The following SMYD5 variants were observed in gnomAD, a reference collection of about 807,000 sequenced individuals.
SMYD5 encodes SMYD family member 5.
In SMYD5, 35 loss-of-function variants were observed where a neutral mutation model predicts 57.4. The observed-to-expected ratio is 0.61, with a 90% CI of 0.47 to 0.81. The LOEUF is 0.81. Ranked by LOEUF, SMYD5 falls within the 30% of genes least tolerant of loss-of-function variation. The pLI is 0.00. For synonymous variants in SMYD5, 198 were observed against 189.7 expected, an observed-to-expected ratio of 1.04 and a Z score of -0.36; for missense variants, 471 against 527.9, an observed-to-expected ratio of 0.89 and a Z score of 1.06.
At position 73,221,202 on chromosome 2, in the gene SMYD5, T is replaced by C. The variant is rs1203948159; in HGVS notation, c.505T>C (p.Leu169=). Residue 169 remains leucine (L), a synonymous_variant, in exon 5 of 13, where the codon TTG becomes CTG. Coordinates refer to ENST00000389501, the MANE Select transcript of SMYD5 (RefSeq NM_006062.3). The part of the protein sequence containing the change: ...HYPPETASIM[L]MARMVATVKQ... ...CCCACCTGAGACTGCAAGCATCATG[T>C]TGATGGCTAGGATGGTGGCCACAGT... The C allele has an allele frequency of 8.1e-6, 13 of 1,614,056 alleles. No individual in the cohort carries two copies. The South Asian group carries it at 1.3e-4, about 16-fold the overall frequency.
chr2:73,215,450 C>G (rs1455484136), intron 1 of SMYD5, among the ~76,000 whole-genome samples: 1 of 152,180 alleles, frequency 6.6e-6, no homozygotes, highest in Non-Finnish European at 1.5e-5. Flanking sequence ...TGCCCCCTTT[C>G]TGCTCTAGAG....
rs1470315017 is a variant in SMYD5, at chr2:73,220,685, C to T, written c.370C>T (p.Arg124Trp). 18 of 1,613,918 alleles carry T rather than the reference C, an allele frequency of 1.1e-5. No homozygotes were observed. The highest frequency in any genetic ancestry group is 2.2e-5 in the East Asian group (1 of 44,898). Residue 124 changes from arginine to tryptophan, a missense_variant, in exon 4 of 13, where the codon CGG becomes TGG. Coordinates refer to ENST00000389501, the MANE Select transcript of SMYD5 (RefSeq NM_006062.3). ...CQVMYCSAEC[R>W]LAATEQYHQV... Reference sequence around the variant, plus strand: ...GGTGATGTACTGCAGTGCAGAATGTCGGTTGGCAGCCACTGAGCAATACCA... The same window carrying T: ...GGTGATGTACTGCAGTGCAGAATGTTGGTTGGCAGCCACTGAGCAATACCA...
Position 73,220,560 on chromosome 2 carries a change from A to C in SMYD5, c.346-101A>C. The stretch of plus-strand genomic sequence containing the variant: ...CCTATGTTTTCTCTTCTCATGATAC[A>C]TCTGAGCTACAGCTCAGGGGCTATT... On this transcript the variant is annotated intron_variant, in intron 3 of 12. Transcript: ENST00000389501. 7.3e-6 allele frequency: 10 copies of C among 1,371,720 alleles called. 1 individual carries two copies. In the South Asian group the frequency reaches 1.2e-4, roughly 16 times the overall value. The allele number at this position is 1,371,720 out of a possible 1,614,324, so 85.0% of individuals were successfully genotyped here.
At chr2:73,225,727 A>G (rs1427055694) in intron 12 of SMYD5, 26 bp downstream of exon 12, 1 of 1,614,064 alleles carries the variant, frequency 6.2e-7, no homozygotes, top group Non-Finnish European at 8.5e-7. Flanking sequence ...ATGGTTGTGC[A>G]GCTGGGCTCT....
rs1686440396 is a variant in SMYD5, at chr2:73,223,552, G to T, written c.883+20G>T. Reference sequence around the variant, plus strand: ...AGGCAGGTTGGTGAGATAGGGCCTTGGCCTCACCCAGCCATGGCGACCCCC... The same window carrying T: ...AGGCAGGTTGGTGAGATAGGGCCTTTGCCTCACCCAGCCATGGCGACCCCC... On this transcript the variant is annotated intron_variant, in intron 9 of 12. Transcript: ENST00000389501. 3.2e-6 allele frequency: 5 copies of T among 1,546,328 alleles called. No homozygotes were observed. The highest frequency in any genetic ancestry group is 4.5e-6 in the Non-Finnish European group (5 of 1,118,020).
At position 73,214,839 on chromosome 2, in the gene SMYD5, A is replaced by G. The variant is rs1686264024; in HGVS notation, c.96+477A>G. 3.1e-6 allele frequency: 4 copies of G among 1,295,786 alleles called. No homozygotes were observed. The East Asian group carries it at 1.7e-4, about 55-fold the overall frequency. The allele number at this position is 1,295,786 out of a possible 1,614,324, so 80.3% of individuals were successfully genotyped here. On this transcript the variant is annotated intron_variant, in intron 1 of 12. Coordinates refer to ENST00000389501, the MANE Select transcript of SMYD5 (RefSeq NM_006062.3). ...ACCAGAGTCCAAAGGCCGTGGGGGCATTGGGAGAGTTTTTAGCAGGAAGGT... is the reference window on the plus strand; with the variant it reads ...ACCAGAGTCCAAAGGCCGTGGGGGCGTTGGGAGAGTTTTTAGCAGGAAGGT...
intron 4 of SMYD5, 46 bp downstream of exon 4, chr2:73,220,828 G>C (rs759861211): frequency 6.2e-7 from 1 of 1,606,316 alleles, no homozygotes; most frequent in East Asian, 2.2e-5. Flanking sequence ...TTCCTCCCTG[G>C]TTGCCTGCCT....
chr2:73,223,750 A>T (rs960533617), intron 9 of SMYD5, among the ~76,000 whole-genome samples, 197 bp from the exon 10 acceptor site: 4 of 152,230 alleles, frequency 2.6e-5, no homozygotes, highest in African/African-American at 9.6e-5. Context: ...GGGGTGCTGG[A>T]TAAATAGGAT....
intron 2 of SMYD5, among the ~76,000 whole-genome samples, chr2:73,219,473 C>G (rs1315891849): frequency 6.6e-6 from 1 of 152,066 alleles, no homozygotes; most frequent in Non-Finnish European, 1.5e-5. Flanking sequence ...CCTCTGCCTC[C>G]TAGGTTCAAG....
chr2:73,221,694 C>T, intron 5 of SMYD5, 132 bp from the exon 6 acceptor site: 1 of 674,088 alleles, frequency 1.5e-6, no homozygotes. Context: ...TGTGGGTGGG[C>T]AGCATTGGGA....
intron 10 of SMYD5, among the ~76,000 whole-genome samples, chr2:73,224,538 T>C (rs910256810): frequency 2.0e-5 from 3 of 152,152 alleles, no homozygotes; most frequent in African/African-American, 7.2e-5. Context: ...TTACTAGATG[T>C]CCAATAGCAG....
At chr2:73,223,334 C>A in intron 8 of SMYD5, 92 bp from the exon 9 acceptor site, 2 of 926,104 alleles carry the variant, frequency 2.2e-6, no homozygotes, top group East Asian at 2.4e-5. Flanking sequence ...GGATGGGAGA[C>A]CCTTCTTCCT....
In SMYD5 at chr2:73,221,855, CTT is replaced by C; in HGVS notation, c.570_571del (p.Ser191ProfsTer4). The C allele has an allele frequency of 1.2e-6, 2 of 1,614,028 alleles. No individual in the cohort carries two copies. Among genetic ancestry groups the C allele is most frequent in the Non-Finnish European group, 8.5e-7 (1 of 1,179,878 alleles). The part of the protein sequence containing the change: ...AKDKDRWIRL[F>X]SQFCNKTANE... ...AGGACAAGGACCGTTGGATCAGACT[CTT>C]TTCCCAGTTTTGTAACAAAACAGCC... On this transcript the variant is annotated frameshift_variant, in exon 6 of 13. Transcript: ENST00000389501. LOFTEE classifies it high-confidence loss of function.
At chr2:73,222,591 A>G (rs1008747373) in intron 6 of SMYD5, among the ~76,000 whole-genome samples, 164 bp from the exon 7 acceptor site, 1 of 152,198 alleles carries the variant, frequency 6.6e-6, no homozygotes, top group Admixed American at 6.5e-5. Context: ...CAGACTGCCA[A>G]AGCTCTTTGG....
chr2:73,222,927 T>C, intron 7 of SMYD5, 109 bp from the exon 8 acceptor site: 5 of 1,488,924 alleles, frequency 3.4e-6, no homozygotes, highest in Non-Finnish European at 4.7e-6. Flanking sequence ...GACTTGGTCT[T>C]CTGGAGTTCA....
intron 2 of SMYD5, 45 bp downstream of exon 2, chr2:73,219,014 C>A (rs148227562): frequency 7.2e-7 from 1 of 1,396,124 alleles, no homozygotes; most frequent in Non-Finnish European, 1.0e-6. Flanking sequence ...CGTCTTTGTG[C>A]ATGGAAGTGA....
At chr2:73,215,145 T>C (rs1181352092) in intron 1 of SMYD5, among the ~76,000 whole-genome samples, 1 of 152,186 alleles carries the variant, frequency 6.6e-6, no homozygotes, top group Non-Finnish European at 1.5e-5. Context: ...GACCCTTTAT[T>C]GTTGTATGGT....
intron 6 of SMYD5, 105 bp downstream of exon 6, chr2:73,222,035 A>G: frequency 4.1e-6 from 3 of 733,560 alleles, no homozygotes; most frequent in Non-Finnish European, 7.2e-6. Context: ...AGCTACAGGA[A>G]GGAGTTAGAA....
At chr2:73,223,791 C>G (rs1686450706) in intron 9 of SMYD5, among the ~76,000 whole-genome samples, 156 bp from the exon 10 acceptor site, 1 of 152,146 alleles carries the variant, frequency 6.6e-6, no homozygotes, top group African/African-American at 2.4e-5. Context: ...AGGCTTCTGT[C>G]TCGGAGAGGC....
Sources: allele counts gnomAD v4.1 joint callset (sites outside exome capture counted in the v4.1 genomes callset), GRCh38; gene constraint gnomAD v4.1.1; transcripts MANE v1.5; gene names NCBI Gene and HGNC (gene_info 2026-07-23, HGNC 2026-07-21).